SBF2: variants seen among roughly 807,000 people sequenced by gnomAD.
SBF2 encodes the protein myotubularin-related protein 13.
A neutral mutation model predicts 225.2 loss-of-function variants in SBF2; 112 were observed. That is an observed-to-expected ratio of 0.50 (90% CI 0.43 to 0.58). The LOEUF (loss-of-function observed/expected upper bound fraction) is 0.58. Ranked by LOEUF, SBF2 falls within the 20% of genes least tolerant of loss-of-function variation. The pLI is 0.00. For synonymous variants in SBF2, 763 were observed against 773.3 expected (o/e 0.99, Z 0.22); for missense variants, 1,996 against 2,206.2 (o/e 0.90, Z 1.91).
At chr11:9,780,990 C>T (rs1851967788) in intron 39 of SBF2, among the ~76,000 whole-genome samples, 1 of 152,174 alleles carries the variant, frequency 6.6e-6, no homozygotes, top group African/African-American at 2.4e-5. Context: ...CTGAGCAGGG[C>T]CATAGAGGAT....
At chr11:10,289,258 T>A (rs7950461) in intron 1 of SBF2, among the ~76,000 whole-genome samples, 75,652 of 152,052 alleles carry the variant, frequency 0.5, 19,157 homozygotes, top group Non-Finnish European at 0.54. Flanking sequence ...AAAGAGGCCT[T>A]GGTCCACAGC....
chr11:10,104,713 TGGG>T (rs1035267898), intron 2 of SBF2, among the ~76,000 whole-genome samples: 4 of 152,186 alleles, frequency 2.6e-5, no homozygotes, highest in African/African-American at 9.6e-5. Context: ...GTTGTCTAGG[TGGG>T]GAGACAGATT....
intron 2 of SBF2, among the ~76,000 whole-genome samples, chr11:10,076,530 G>T (rs1366655664): frequency 6.6e-6 from 1 of 152,206 alleles, no homozygotes; most frequent in African/African-American, 2.4e-5. Context: ...CAGGAGGGGT[G>T]TGGCCTGGGA....
chr11:10,233,346 T>A (rs1243220727), intron 1 of SBF2, among the ~76,000 whole-genome samples: 8 of 152,106 alleles, frequency 5.3e-5, no homozygotes, highest in African/African-American at 1.4e-4. Flanking sequence ...TAGGAAGAAT[T>A]CTATTCCTGT....
chr11:10,164,724 C>T (rs1565304528), intron 2 of SBF2, among the ~76,000 whole-genome samples: 2 of 152,150 alleles, frequency 1.3e-5, no homozygotes. Context: ...CAGTCCACAG[C>T]ATACAATAAA....
chr11:10,001,129 A>T (rs1273847659), intron 7 of SBF2, 107 bp from the exon 8 acceptor site: 10 of 674,266 alleles, frequency 1.5e-5, no homozygotes, highest in Admixed American at 7.6e-5. Flanking sequence ...TTTAGAAATT[A>T]TCAATAATGT....
chr11:10,201,558 T>A (rs1203929322), intron 1 of SBF2, among the ~76,000 whole-genome samples: 1 of 152,216 alleles, frequency 6.6e-6, no homozygotes, highest in South Asian at 2.1e-4. Context: ...GCCTTTTTTG[T>A]GGTTATTTAA....
At chr11:10,016,750 T>A (rs1948667888) in intron 6 of SBF2, 1 of 152,210 alleles carries the variant, frequency 6.6e-6, no homozygotes, top group Non-Finnish European at 1.5e-5. Flanking sequence ...CCTCCCAAAG[T>A]GCTGAGATTA....
At chr11:9,780,884 C>T (rs1851960978) in intron 39 of SBF2, 2 of 332,454 alleles carry the variant, frequency 6.0e-6, no homozygotes, top group African/African-American at 2.1e-5. Context: ...AGGGGGATGC[C>T]TGAGATTCAT....
intron 16 of SBF2, among the ~76,000 whole-genome samples, chr11:9,930,821 G>C (rs1331003602): frequency 2.0e-5 from 3 of 152,254 alleles, no homozygotes; most frequent in Non-Finnish European, 4.4e-5. Flanking sequence ...AAGAGCAAGA[G>C]ATTGGGGGAT....
At chr11:9,832,492 T>C in intron 26 of SBF2, 72 bp from the exon 27 acceptor site, 1 of 1,079,624 alleles carries the variant, frequency 9.3e-7, no homozygotes, top group Non-Finnish European at 1.4e-6. Flanking sequence ...GGAAAGGAAA[T>C]GAGAGAAGAG....
At chr11:9,964,274 G>C (rs1866762038) in intron 14 of SBF2, among the ~76,000 whole-genome samples, 1 of 151,954 alleles carries the variant, frequency 6.6e-6, no homozygotes, top group Non-Finnish European at 1.5e-5. Flanking sequence ...AAAAACTGTT[G>C]ATATGACCTA....
intron 13 of SBF2, among the ~76,000 whole-genome samples, chr11:9,978,778 T>C (rs569905819): frequency 6.6e-6 from 1 of 152,226 alleles, no homozygotes; most frequent in South Asian, 2.1e-4. Context: ...AGTGGATCCC[T>C]TGAGCCCAGG....
intron 17 of SBF2, among the ~76,000 whole-genome samples, chr11:9,871,888 A>C (rs1858794021): frequency 6.6e-6 from 1 of 152,186 alleles, no homozygotes; most frequent in Non-Finnish European, 1.5e-5. Flanking sequence ...AAATTAGTTC[A>C]ACCCTTGTGG....
Position 10,293,996 on chromosome 11 carries a change from T to C in SBF2, c.55+19A>G. 7.4e-7 allele frequency: 1 copy of C among 1,351,602 alleles called. No homozygotes were observed. The highest frequency in any genetic ancestry group is 9.5e-7 in the Non-Finnish European group (1 of 1,047,338). 83.7% of individuals were successfully genotyped at this position (1,351,602 alleles called of 1,614,324 possible). On this transcript the variant is annotated intron_variant, in intron 1 of 39. Coordinates refer to ENST00000256190, the MANE Select transcript of SBF2 (RefSeq NM_030962.4). Reference sequence around the variant, plus strand: ...GGGGGGCGGGGAGGCCCGGGGGCGGTGCCGCCCCACACCCTTACCTGGCTT... The same window carrying C: ...GGGGGGCGGGGAGGCCCGGGGGCGGCGCCGCCCCACACCCTTACCTGGCTT...
chr11:10,223,659 GA>G (rs1322346641), intron 1 of SBF2, among the ~76,000 whole-genome samples: 1 of 151,842 alleles, frequency 6.6e-6, no homozygotes, highest in Non-Finnish European at 1.5e-5. Flanking sequence ...GTAATGGCAT[GA>G]CTTTTGTCTG....
intron 2 of SBF2, among the ~76,000 whole-genome samples, chr11:10,071,315 G>A (rs567774056): frequency 7.1e-6 from 1 of 140,230 alleles, no homozygotes; most frequent in African/African-American, 2.7e-5. Context: ...CACCCAGGCT[G>A]GAGTGTGGTG....
intron 16 of SBF2, among the ~76,000 whole-genome samples, chr11:9,935,443 T>G (rs564921705): frequency 1.3e-5 from 2 of 152,136 alleles, no homozygotes; most frequent in East Asian, 1.9e-4. Context: ...TCACAGAATT[T>G]GAAAAAAACT....
intron 32 of SBF2, among the ~76,000 whole-genome samples, chr11:9,797,455 C>T (rs1225884753): frequency 6.6e-6 from 1 of 152,206 alleles, no homozygotes; most frequent in Non-Finnish European, 1.5e-5. Flanking sequence ...CTGCAAACCA[C>T]GGAACTGCTT....
Sources: allele counts gnomAD v4.1 joint callset (sites outside exome capture counted in the v4.1 genomes callset), GRCh38; gene constraint gnomAD v4.1.1; transcripts MANE v1.5; gene names NCBI Gene and HGNC (gene_info 2026-07-23, HGNC 2026-07-21).